The following PLXNA4 variants were observed in gnomAD, a reference collection of about 807,000 sequenced individuals.
PLXNA4 encodes plexin A4.
A neutral mutation model predicts 191.8 loss-of-function variants in PLXNA4; 44 were observed. That is an observed-to-expected ratio of 0.23 (90% CI 0.18 to 0.29). The LOEUF (loss-of-function observed/expected upper bound fraction) is 0.29, where lower values mean the gene tolerates loss of function less well. PLXNA4 is among the 10% of genes least tolerant of loss of function. PLXNA4 has a pLI of 1.00. For synonymous variants in PLXNA4, 1,082 were observed against 1,009.5 expected (o/e 1.07, Z -1.36); for missense variants, 1,800 against 2,488.8 (o/e 0.72, Z 5.89).
At chr7:132,296,302 C>G (rs1204392808) in intron 4 of PLXNA4, among the ~76,000 whole-genome samples, 1 of 152,186 alleles carries the variant, frequency 6.6e-6, no homozygotes, top group Non-Finnish European at 1.5e-5. Flanking sequence ...GGGGAAACAG[C>G]TGAGGACAAA....
intron 3 of PLXNA4, among the ~76,000 whole-genome samples, chr7:132,478,056 C>G (rs1269960368): frequency 6.6e-6 from 1 of 152,232 alleles, no homozygotes; most frequent in Non-Finnish European, 1.5e-5. Context: ...CTATCAGCAT[C>G]CCTCCAGCCA....
At chr7:132,498,379 C>T (rs183823815) in intron 2 of PLXNA4, among the ~76,000 whole-genome samples, 2 of 152,088 alleles carry the variant, frequency 1.3e-5, no homozygotes, top group East Asian at 3.9e-4. Flanking sequence ...TGGCAGAAGG[C>T]AAGGAGGAGG....
intron 3 of PLXNA4, among the ~76,000 whole-genome samples, chr7:132,424,462 T>C (rs935262569): frequency 8.5e-5 from 13 of 152,154 alleles, no homozygotes; most frequent in Non-Finnish European, 1.6e-4. Flanking sequence ...GTCGTCTTCA[T>C]CCTTCTGTAG....
rs572489238 is a variant in PLXNA4 at position 132,428,117 on chromosome 7, A to G, written c.1371+61175T>C. 6.1e-4 allele frequency among the ~76,000 whole-genome samples: 93 copies of G among 152,282 alleles called. 1 individual carries two copies. Among genetic ancestry groups the G allele is most frequent in the African/African-American group, 2.1e-3 (86 of 41,574 alleles). ...GACATGGGAGGCCCCATGTACCCCA[A>G]GTGCCCTGCATGAGCTGCCTTCTGC... On this transcript the variant is annotated intron_variant, in intron 3 of 31. Coordinates refer to ENST00000321063, the MANE Select transcript of PLXNA4 (RefSeq NM_020911.2).
At chr7:132,565,783 A>G (rs1801695054) in intron 1 of PLXNA4, among the ~76,000 whole-genome samples, 1 of 152,132 alleles carries the variant, frequency 6.6e-6, no homozygotes, top group South Asian at 2.1e-4. Flanking sequence ...AATGAAAGCC[A>G]ATGGTTTATG....
In PLXNA4 at chr7:132,621,300, G is replaced by A. The variant is rs112493095; in HGVS notation, c.-87+24628C>T. Reference sequence around the variant, plus strand: ...TTTTTAGATGGAGTCTCACTGTCTCGCCCAGGCTGGAGTGCAATGGCACAA... The same window carrying A: ...TTTTTAGATGGAGTCTCACTGTCTCACCCAGGCTGGAGTGCAATGGCACAA... On this transcript the variant is annotated intron_variant, in intron 2 of 4. Transcript: ENST00000378539. 3.8e-3 allele frequency among the ~76,000 whole-genome samples: 503 copies of A among 132,720 alleles called. 1 individual carries two copies. Among genetic ancestry groups the A allele is most frequent in the African/African-American group, 0.014 (481 of 34,446 alleles). The allele number at this position is 132,720 out of a possible 152,430, so 87.1% of individuals were successfully genotyped here. A position where few individuals can be genotyped will look rare whatever the true frequency, so the allele number is the denominator to read the frequency against.
chr7:132,467,269 G>T (rs1454961822), intron 3 of PLXNA4, among the ~76,000 whole-genome samples: 2 of 152,110 alleles, frequency 1.3e-5, no homozygotes, highest in African/African-American at 4.8e-5. Context: ...GACCTATATT[G>T]GGGGGTGAGT....
intron 3 of PLXNA4, among the ~76,000 whole-genome samples, chr7:132,330,934 T>C (rs1186701764): frequency 2.0e-5 from 3 of 152,162 alleles, no homozygotes; most frequent in African/African-American, 7.2e-5. Flanking sequence ...CAAAGCAAAG[T>C]TACTCCTTTT....
At position 132,198,343 on chromosome 7, in the gene PLXNA4, C is replaced by T. The variant is rs1246320146; in HGVS notation, c.2738+142G>A. On this transcript the variant is annotated intron_variant, in intron 13 of 31. Coordinates refer to ENST00000321063, the MANE Select transcript of PLXNA4 (RefSeq NM_020911.2). ...AGGCGGGGAGTTGTGGGAGTCCACC[C>T]TCCAACTCTAAAATATTGGGGTGGT... The T allele has an allele frequency of 1.6e-5, 20 of 1,227,920 alleles. No individual in the cohort carries two copies. The East Asian group carries it at 5.1e-4, about 31-fold the overall frequency. 76.1% of individuals were successfully genotyped at this position (1,227,920 alleles called of 1,614,324 possible).
At chr7:132,546,973 A>G (rs966947647) in intron 1 of PLXNA4, among the ~76,000 whole-genome samples, 2 of 152,198 alleles carry the variant, frequency 1.3e-5, no homozygotes, top group African/African-American at 4.8e-5. Context: ...CAGGAAAGGG[A>G]GCCCAAAAGG....
chr7:132,383,441 A>C, intron 3 of PLXNA4: 1 of 465,554 alleles, frequency 2.1e-6, no homozygotes, highest in Non-Finnish European at 2.8e-6. Context: ...AATAGAAAAC[A>C]ATAAATAAAC....
At chr7:132,384,494 T>C (rs576621540) in intron 3 of PLXNA4, 1 of 986,240 alleles carries the variant, frequency 1.0e-6, no homozygotes, top group African/African-American at 1.7e-5. Context: ...CACGCTTTGT[T>C]GTAACCATAG....
At chr7:132,274,569 T>G (rs1800201017) in intron 4 of PLXNA4, among the ~76,000 whole-genome samples, 1 of 152,160 alleles carries the variant, frequency 6.6e-6, no homozygotes, top group African/African-American at 2.4e-5. Context: ...CTTTGTAACC[T>G]CATCATCTCT....
At chr7:132,557,751 G>T (rs980467880) in intron 1 of PLXNA4, among the ~76,000 whole-genome samples, 2 of 152,088 alleles carry the variant, frequency 1.3e-5, no homozygotes, top group African/African-American at 4.8e-5. Flanking sequence ...GGTGAAAAAT[G>T]ATAATTGTAT....
chr7:132,580,055 A>T (rs1299069807), upstream of PLXNA4, among the ~76,000 whole-genome samples: 1 of 152,126 alleles, frequency 6.6e-6, no homozygotes, highest in Non-Finnish European at 1.5e-5. Flanking sequence ...ATGATACCTC[A>T]TCTCTCACCT....
chr7:132,541,058 A>T (rs1800058287), intron 1 of PLXNA4, among the ~76,000 whole-genome samples: 1 of 152,200 alleles, frequency 6.6e-6, no homozygotes, highest in Non-Finnish European at 1.5e-5. Flanking sequence ...ATTTCAAAGG[A>T]TTCCCAAGGA....
At chr7:132,185,606 C>T in intron 15 of PLXNA4, 143 bp from the exon 16 acceptor site, 2 of 1,277,726 alleles carry the variant, frequency 1.6e-6, no homozygotes, top group Non-Finnish European at 2.1e-6. Flanking sequence ...AACTGGAGAG[C>T]CAGTGACAAA....
In PLXNA4 at chr7:132,489,349, A is replaced by C; in HGVS notation, c.1314T>G (p.Tyr438Ter). 1 of 1,604,376 alleles carries C rather than the reference A, an allele frequency of 6.2e-7. No homozygotes were observed. The highest frequency in any genetic ancestry group is 8.5e-7 in the Non-Finnish European group (1 of 1,171,746). ...AGGCCAGAGAGTGGTTCTTGTAGAC[A>C]TATGCGATGACAGACGTCATGCGGT... ...DRDRMTSVIA[Y>*]VYKNHSLAFV... The change falls in exon 3 of 32, where the codon TAT (tyrosine) becomes TAG (stop). Residue 438 changes from tyrosine (Y) to a stop codon, truncating the protein, a stop_gained. Transcript: ENST00000321063. LOFTEE classifies it high-confidence loss of function.
rs370899424 is a variant in PLXNA4, at chr7:132,181,528, G to C, written c.3345C>G (p.Pro1115=). ...TGTCCAGGATGAAGCCAAACTCCTCGGGCCTCTCGGTCAGGTCTGACTGGT... is the reference window on the plus strand; with the variant it reads ...TGTCCAGGATGAAGCCAAACTCCTCCGGCCTCTCGGTCAGGTCTGACTGGT... The part of the protein sequence containing the change: ...PDHQSDLTER[P]EEFGFILDNV... The change falls in exon 18 of 32, where the codon CCC becomes CCG. Residue 1115 remains proline, a synonymous_variant. Transcript: ENST00000321063. The C allele has an allele frequency of 6.2e-7, 1 of 1,614,122 alleles. No individual in the cohort carries two copies. The highest frequency in any genetic ancestry group is 8.5e-7 in the Non-Finnish European group (1 of 1,180,030).
Sources: allele counts gnomAD v4.1 joint callset (sites outside exome capture counted in the v4.1 genomes callset), GRCh38; gene constraint gnomAD v4.1.1; transcripts MANE v1.5; gene names NCBI Gene and HGNC (gene_info 2026-07-23, HGNC 2026-07-21).